DAPK1: variants seen among roughly 807,000 people sequenced by gnomAD.
The protein encoded by DAPK1 is death-associated protein kinase 1.
DAPK1 carries 56 observed loss-of-function variants against 144.9 expected under a neutral mutation model. The observed-to-expected ratio is 0.39, with a 90% CI of 0.31 to 0.48. The LOEUF (loss-of-function observed/expected upper bound fraction) is 0.48, where lower values mean the gene tolerates loss of function less well. Ranked by LOEUF, DAPK1 falls within the 20% of genes least tolerant of loss-of-function variation. The probability of loss-of-function intolerance (pLI) is 0.95; values close to 1 mark genes in which losing one functional copy is unlikely to be tolerated. For missense variants in DAPK1, 1,454 were observed against 1,875.4 expected (o/e 0.78, Z 4.15); for synonymous variants, 690 against 749.0 (o/e 0.92, Z 1.29).
chr9:87,696,785 T>A, intron 21 of DAPK1, among the ~76,000 whole-genome samples: 1 of 152,126 alleles, frequency 6.6e-6, no homozygotes, highest in East Asian at 1.9e-4. Flanking sequence ...CCCAAACACC[T>A]CCCACCAGGC....
intron 2 of DAPK1, among the ~76,000 whole-genome samples, chr9:87,583,328 G>T (rs2057035067): frequency 6.6e-6 from 1 of 152,150 alleles, no homozygotes; most frequent in Non-Finnish European, 1.5e-5. Context: ...CAGTCACTGG[G>T]AATGCAGGTA....
At chr9:87,573,410 T>C (rs1803939991) in intron 2 of DAPK1, among the ~76,000 whole-genome samples, 1 of 152,232 alleles carries the variant, frequency 6.6e-6, no homozygotes, top group African/African-American at 2.4e-5. Context: ...TGATACTGGC[T>C]TTCTGTTCAT....
intron 2 of DAPK1, among the ~76,000 whole-genome samples, chr9:87,589,481 A>C (rs1828052459): frequency 6.6e-6 from 1 of 152,080 alleles, no homozygotes; most frequent in African/African-American, 2.4e-5. Flanking sequence ...GAGGGGCTGC[A>C]TTCACACCAT....
At chr9:87,518,788 T>C (rs1825181400) in intron 2 of DAPK1, among the ~76,000 whole-genome samples, 1 of 152,180 alleles carries the variant, frequency 6.6e-6, no homozygotes, top group African/African-American at 2.4e-5. Flanking sequence ...GTATCCATGT[T>C]GGTGCCTGAA....
intron 2 of DAPK1, among the ~76,000 whole-genome samples, chr9:87,503,259 A>G (rs1457480145): frequency 6.6e-6 from 1 of 151,602 alleles, no homozygotes; most frequent in Admixed American, 6.6e-5. Flanking sequence ...GTGTGTGTGT[A>G]TATGTATATA....
chr9:87,554,968 C>T (rs1162317333), intron 2 of DAPK1, among the ~76,000 whole-genome samples: 1 of 152,204 alleles, frequency 6.6e-6, no homozygotes, highest in African/African-American at 2.4e-5. Context: ...GCCCCTTGAT[C>T]TCTGGAGAGG....
chr9:87,706,266 C>T lies in DAPK1; in HGVS notation c.3195C>T (p.Thr1065=), dbSNP rs1402695380. ...TGCACCACTACCGGGGCCGCTACAC[C>T]GTGGAGGACATCCAGCGCCTGGTGC... The part of the protein sequence containing the change: ...RALHHYRGRY[T]VEDIQRLVPD... The change falls in exon 26 of 26, where the codon ACC becomes ACT. Residue 1065 remains threonine (T), a synonymous_variant. Coordinates refer to ENST00000408954, the MANE Select transcript of DAPK1 (RefSeq NM_004938.4). This position sits in a 1 kb window ranked among gnomAD's most constrained non-coding sequence, Gnocchi z 9.0. 13 of 1,613,392 alleles carry T rather than the reference C, an allele frequency of 8.1e-6. No individual in the cohort carries two copies. The highest frequency in any genetic ancestry group is 2.7e-5 in the African/African-American group (2 of 74,922).
chr9:87,497,858 C>A (rs937537575), upstream of DAPK1: 3 of 392,562 alleles, frequency 7.6e-6, no homozygotes, highest in Non-Finnish European at 1.3e-5. Flanking sequence ...GGCAAGGAGC[C>A]GAGAGGCTGC....
At chr9:87,629,737 T>C (rs1407483917) in intron 3 of DAPK1, among the ~76,000 whole-genome samples, 1 of 152,176 alleles carries the variant, frequency 6.6e-6, no homozygotes, top group Non-Finnish European at 1.5e-5. Context: ...TCCTCTATCA[T>C]AGTCAGTTTG....
chr9:87,639,391 A>G lies in DAPK1; in HGVS notation c.461A>G (p.Lys154Arg), dbSNP rs758563684. The G allele has an allele frequency of 3.7e-6, 6 of 1,611,754 alleles. No individual in the cohort carries two copies. The highest frequency in any genetic ancestry group is 1.3e-5 in the African/African-American group (1 of 74,604). Residue 154 changes from lysine (K) to arginine (R), a missense_variant, in exon 5 of 26, where the codon AAA becomes AGA. Physicochemically the swap from Lys to Arg is conservative, Grantham distance 26 (BLOSUM62 2). Transcript: ENST00000408954. ...ATGCTTTTGGATAGAAATGTCCCCA[A>G]ACCTCGGATCAAGATCATTGACTTT... is the stretch of plus-strand genomic sequence containing the variant. ...NIMLLDRNVP[K>R]PRIKIIDFGL...
At chr9:87,663,871 T>C (rs3118848) in intron 18 of DAPK1, among the ~76,000 whole-genome samples, 69,041 of 151,740 alleles carry the variant, frequency 0.45, 16,537 homozygotes, top group East Asian at 0.66. Flanking sequence ...CCCAGGATCA[T>C]GGAAACCCTT....
rs544879852 is a variant in DAPK1, at chr9:87,534,254, T to G, written c.62+35115T>G. Among the ~76,000 whole-genome samples, 242 of 33,382 alleles carry G rather than the reference T, an allele frequency of 7.2e-3. 1 individual carries two copies. Among genetic ancestry groups the G allele is most frequent in the Non-Finnish European group, 0.01 (200 of 19,820 alleles). 21.9% of individuals were successfully genotyped at this position (33,382 alleles called of 152,430 possible). ...GTTGGCTCATTTTGACAGTTTTTTT[T>G]TTTGTTTTTTTTTTTAACGCTGCCA... On this transcript the variant is annotated intron_variant, in intron 2 of 25. Transcript: ENST00000408954.
intron 2 of DAPK1, among the ~76,000 whole-genome samples, chr9:87,515,384 G>T (rs1825012933): frequency 6.6e-6 from 1 of 152,166 alleles, no homozygotes; most frequent in African/African-American, 2.4e-5. Flanking sequence ...ATAAACAAAG[G>T]CTTAAAGAGA....
In DAPK1 at chr9:87,571,136, C is replaced by T. The variant is rs371161416; in HGVS notation, c.63-33818C>T. On this transcript the variant is annotated intron_variant, in intron 2 of 25. Coordinates refer to ENST00000408954, the MANE Select transcript of DAPK1 (RefSeq NM_004938.4). ...TTCTTTAGGCCTTGAGAATAGAAGGCATTGTGTATTCGGTACACACACACT... is the reference window on the plus strand; with the variant it reads ...TTCTTTAGGCCTTGAGAATAGAAGGTATTGTGTATTCGGTACACACACACT... 3.4e-3 allele frequency among the ~76,000 whole-genome samples: 516 copies of T among 152,164 alleles called. 4 individuals are homozygous for T. The highest frequency in any genetic ancestry group is 0.012 in the African/African-American group (500 of 41,524).
chr9:87,528,621 C>T (rs1303637882), intron 2 of DAPK1, among the ~76,000 whole-genome samples: 1 of 152,084 alleles, frequency 6.6e-6, no homozygotes, highest in African/African-American at 2.4e-5. Context: ...GTCACTTTCT[C>T]AGTGAAGCCA....
chr9:87,632,923 A>ATATATATATATATATATATATAT (rs1829756847), intron 3 of DAPK1: 5 of 698,178 alleles, frequency 7.2e-6, no homozygotes, highest in African/African-American at 2.8e-5. Flanking sequence ...TATATATATA[A>ATATATATATATATATATATATAT]ATGAAGGGTG....
At chr9:87,633,964 C>T (rs568099668) in intron 3 of DAPK1, among the ~76,000 whole-genome samples, 2 of 152,178 alleles carry the variant, frequency 1.3e-5, no homozygotes, top group Non-Finnish European at 2.9e-5. Context: ...GTGGCAGCCC[C>T]AGTTGGCCAA....
At chr9:87,627,501 C>T (rs1341539923) in intron 3 of DAPK1, among the ~76,000 whole-genome samples, 1 of 152,102 alleles carries the variant, frequency 6.6e-6, no homozygotes, top group Non-Finnish European at 1.5e-5. Context: ...TGCTTGCTCC[C>T]TCTCCCCTTG....
intron 2 of DAPK1, among the ~76,000 whole-genome samples, chr9:87,548,991 T>C (rs1010527745): frequency 1.3e-5 from 2 of 150,116 alleles, no homozygotes; most frequent in East Asian, 3.9e-4. Context: ...TACAGGTTTG[T>C]TACATAGGTA....
Sources: allele counts gnomAD v4.1 joint callset (sites outside exome capture counted in the v4.1 genomes callset), GRCh38; gene constraint gnomAD v4.1.1; non-coding constraint Gnocchi (gnomAD v3.1); transcripts MANE v1.5; gene names NCBI Gene and HGNC (gene_info 2026-07-23, HGNC 2026-07-21).